ADD3: variants seen among roughly 807,000 people sequenced by gnomAD.
The protein encoded by ADD3 is adducin 3, also known as gamma-adducin.
ADD3 carries 25 observed loss-of-function variants against 80.2 expected under a neutral mutation model. That is an observed-to-expected ratio of 0.31 (90% CI 0.23 to 0.44). The LOEUF (loss-of-function observed/expected upper bound fraction) is 0.44, where lower values mean the gene tolerates loss of function less well. Ranked by LOEUF, ADD3 falls within the 20% of genes least tolerant of loss-of-function variation. ADD3 has a pLI of 1.00. For synonymous variants in ADD3, 284 were observed against 289.6 expected (o/e 0.98, Z 0.20); for missense variants, 829 against 847.5 (o/e 0.98, Z 0.27).
chr10:110,037,260 A>G (rs1855768871), intron 1 of ADD3, among the ~76,000 whole-genome samples: 1 of 152,222 alleles, frequency 6.6e-6, no homozygotes, highest in Non-Finnish European at 1.5e-5. Context: ...TAATACTGGC[A>G]TGAAATTTTG....
At chr10:110,081,734 T>G (rs1314793492) in intron 1 of ADD3, among the ~76,000 whole-genome samples, 1 of 152,218 alleles carries the variant, frequency 6.6e-6, no homozygotes, top group Non-Finnish European at 1.5e-5. Flanking sequence ...AACAATTGCT[T>G]ATATGAAACC....
At chr10:110,007,756 C>T (rs994132045), upstream of ADD3, among the ~76,000 whole-genome samples, 4 of 151,446 alleles carry the variant, frequency 2.6e-5, no homozygotes, top group Non-Finnish European at 4.4e-5. Context: ...CCAGGACTCC[C>T]GAGGGGCGCT....
intron 1 of ADD3, among the ~76,000 whole-genome samples, chr10:110,030,998 A>C (rs1011794065): frequency 6.8e-6 from 1 of 146,806 alleles, no homozygotes; most frequent in African/African-American, 2.4e-5. Context: ...TTGTAAGTCC[A>C]GGCACGGTGG....
intron 1 of ADD3, among the ~76,000 whole-genome samples, chr10:110,087,762 T>G (rs1272073617): frequency 6.6e-6 from 1 of 152,204 alleles, no homozygotes; most frequent in African/African-American, 2.4e-5. Flanking sequence ...AAAATAGATA[T>G]TAGGATGGAA....
At chr10:110,099,999 A>G (rs1848616744) in intron 1 of ADD3, among the ~76,000 whole-genome samples, 1 of 152,194 alleles carries the variant, frequency 6.6e-6, no homozygotes, top group Non-Finnish European at 1.5e-5. Flanking sequence ...GTTGGGGGCC[A>G]GGCACAGAGG....
At chr10:110,119,977 C>T (rs1195916525) in intron 8 of ADD3, among the ~76,000 whole-genome samples, 1 of 152,136 alleles carries the variant, frequency 6.6e-6, no homozygotes, top group Non-Finnish European at 1.5e-5. Context: ...TCAACAATTC[C>T]ACAGCCTCAT....
At chr10:110,057,750 G>A (rs1249642242) in intron 1 of ADD3, among the ~76,000 whole-genome samples, 2 of 152,068 alleles carry the variant, frequency 1.3e-5, no homozygotes, top group Admixed American at 6.6e-5. Flanking sequence ...TAAACAGTAG[G>A]CACCCAACAA....
At chr10:110,101,601 C>G (rs1848816137) in intron 2 of ADD3, among the ~76,000 whole-genome samples, 1 of 149,218 alleles carries the variant, frequency 6.7e-6, no homozygotes. Flanking sequence ...CATGCCACTG[C>G]ATTCCAGCCT....
intron 1 of ADD3, among the ~76,000 whole-genome samples, chr10:110,020,873 C>T (rs910377275): frequency 1.3e-5 from 2 of 151,996 alleles, no homozygotes; most frequent in African/African-American, 4.8e-5. Context: ...TGGGCCTAGG[C>T]AAAAGTCTAA....
chr10:110,126,191 A>C (rs911599188), intron 11 of ADD3, among the ~76,000 whole-genome samples: 2 of 152,238 alleles, frequency 1.3e-5, no homozygotes, highest in African/African-American at 4.8e-5. Flanking sequence ...TTAGGGGGAA[A>C]ATGCAGTTCT....
At chr10:110,128,584 T>C (rs528422478) in intron 12 of ADD3, among the ~76,000 whole-genome samples, 48 of 151,880 alleles carry the variant, frequency 3.2e-4, no homozygotes, top group Non-Finnish European at 6.0e-4. Flanking sequence ...CCCGACTAAT[T>C]TTTTTTGTAT....
intron 1 of ADD3, among the ~76,000 whole-genome samples, chr10:110,035,180 T>C (rs1457688435): frequency 6.6e-6 from 1 of 152,176 alleles, no homozygotes; most frequent in Non-Finnish European, 1.5e-5. Context: ...TATTGAAATA[T>C]AAAATAAACG....
chr10:110,051,679 G>A (rs1303689595), intron 1 of ADD3, among the ~76,000 whole-genome samples: 1 of 152,196 alleles, frequency 6.6e-6, no homozygotes, highest in Non-Finnish European at 1.5e-5. Context: ...TCCAATTTTT[G>A]TAAAAACAGG....
chr10:110,098,425 T>C (rs1848425494), intron 1 of ADD3, among the ~76,000 whole-genome samples: 1 of 152,170 alleles, frequency 6.6e-6, no homozygotes, highest in African/African-American at 2.4e-5. Context: ...TAAACAGCCC[T>C]TTGTAATATC....
At chr10:110,122,968 C>T (rs1851703548) in intron 9 of ADD3, among the ~76,000 whole-genome samples, 1 of 152,082 alleles carries the variant, frequency 6.6e-6, no homozygotes, top group Non-Finnish European at 1.5e-5. Flanking sequence ...TAAGTGAGAT[C>T]ATGGGGTATT....
chr10:110,030,891 A>T (rs1788306002), intron 1 of ADD3, among the ~76,000 whole-genome samples: 1 of 151,650 alleles, frequency 6.6e-6, no homozygotes, highest in East Asian at 1.9e-4. Context: ...CCATTGATGA[A>T]GTTTAAAAAA....
chr10:110,072,936 C>G (rs1464039168), intron 1 of ADD3, among the ~76,000 whole-genome samples: 2 of 152,070 alleles, frequency 1.3e-5, no homozygotes, highest in East Asian at 3.9e-4. Flanking sequence ...TACTTTTTGT[C>G]CAGGCCTTTT....
intron 1 of ADD3, among the ~76,000 whole-genome samples, chr10:110,095,775 A>G (rs1034179937): frequency 1.3e-5 from 2 of 152,256 alleles, no homozygotes; most frequent in African/African-American, 4.8e-5. Context: ...ATAGCATTCA[A>G]CAGTAAAAAG....
At chr10:110,018,294 G>A (rs1853235481) in intron 1 of ADD3, among the ~76,000 whole-genome samples, 1 of 152,158 alleles carries the variant, frequency 6.6e-6, no homozygotes, top group Admixed American at 6.5e-5. Flanking sequence ...TTGGGAGGCT[G>A]AGGTGGGTGG....
Sources: gnomAD v4.1 joint callset for allele counts (sites outside exome capture counted in the v4.1 genomes callset) on GRCh38, gnomAD v4.1.1 for gene constraint, MANE v1.5 for transcripts, NCBI Gene and HGNC (gene_info 2026-07-23, HGNC 2026-07-21) for gene names.